CPS1: variants seen among roughly 807,000 people sequenced by gnomAD.
CPS1 encodes the protein carbamoyl-phosphate synthase 1.
Under a neutral mutation model 174.6 loss-of-function variants are expected in CPS1, and 109 were observed. The ratio of observed to expected loss-of-function variants is 0.62; its 90% CI spans 0.53 to 0.73. CPS1 has a LOEUF of 0.73. CPS1 is among the 30% of genes least tolerant of loss of function. CPS1 has a pLI of 0.00. For missense variants in CPS1, 1,689 were observed against 1,821.9 expected (o/e 0.93, Z 1.33); for synonymous variants, 637 against 632.0 (o/e 1.01, Z -0.12).
intron 1 of CPS1, among the ~76,000 whole-genome samples, chr2:210,518,609 C>G (rs748979682): frequency 6.6e-6 from 1 of 151,954 alleles, no homozygotes; most frequent in African/African-American, 2.4e-5. Flanking sequence ...AAGGAAGTCA[C>G]GTAAGAAAAG....
intron 1 of CPS1, among the ~76,000 whole-genome samples, chr2:210,567,641 A>G (rs1404233536): frequency 1.3e-5 from 2 of 152,160 alleles, no homozygotes; most frequent in African/African-American, 4.8e-5. Flanking sequence ...TGATAGAAAC[A>G]ATTCATGAGG....
At chr2:210,568,821 A>G (rs1205731139) in intron 1 of CPS1, among the ~76,000 whole-genome samples, 1 of 152,124 alleles carries the variant, frequency 6.6e-6, no homozygotes, top group East Asian at 1.9e-4. Context: ...ACCAATAATA[A>G]AACAAGTGAA....
At chr2:210,647,566 G>A (rs889461944) in intron 25 of CPS1, among the ~76,000 whole-genome samples, 5 of 152,212 alleles carry the variant, frequency 3.3e-5, no homozygotes, top group African/African-American at 7.2e-5. Flanking sequence ...ATTGATTATA[G>A]CATAGAGTAC....
Position 210,563,008 on chromosome 2 carries a change from T to C in CPS1, c.126+6149T>C, listed in dbSNP as rs1697155548. 1.3e-5 allele frequency among the ~76,000 whole-genome samples: 2 copies of C among 152,106 alleles called. 1 individual carries two copies. The highest frequency in any genetic ancestry group is 4.1e-4 in the South Asian group (2 of 4,832). On this transcript the variant is annotated intron_variant, in intron 1 of 37. Transcript: ENST00000233072. ...TCCTCCCATTTCACAGATATGTAAG[T>C]GCTGAAGTTAAAACAAGGACACATG... is the stretch of plus-strand genomic sequence containing the variant.
At chr2:210,584,229 G>T (rs1031646813) in intron 6 of CPS1, among the ~76,000 whole-genome samples, 1 of 152,056 alleles carries the variant, frequency 6.6e-6, no homozygotes, top group African/African-American at 2.4e-5. Context: ...TACATGTGGA[G>T]AATTTAGCCC....
chr2:210,579,809 GGTGTGTGTGTGT>G, intron 5 of CPS1, 39 bp downstream of exon 5: 1 of 1,338,028 alleles, frequency 7.5e-7, no homozygotes, highest in Non-Finnish European at 1.1e-6. Context: ...TGTTTCTTCG[GGTGTGTGTGTGT>G]GTGTGTGTGT....
At chr2:210,500,150 C>T (rs983701851) in intron 1 of CPS1, among the ~76,000 whole-genome samples, 14 of 152,070 alleles carry the variant, frequency 9.2e-5, no homozygotes, top group Non-Finnish European at 1.5e-4. Flanking sequence ...ATGGGGGAAC[C>T]GCCCCCATGA....
rs1409553597 is a variant in CPS1 at position 210,530,952 on chromosome 2, A to T, written c.4-25767A>T. ...GCTTGGACAACAATTGCCTTAGTTAATATCAGAAAAATGTTCATGAGAAAG... is the reference window on the plus strand; with the variant it reads ...GCTTGGACAACAATTGCCTTAGTTATTATCAGAAAAATGTTCATGAGAAAG... On this transcript the variant is annotated intron_variant, in intron 1 of 38. Transcript: ENST00000430249. Among the ~76,000 whole-genome samples, 9 of 152,046 alleles carry T rather than the reference A, an allele frequency of 5.9e-5. No individual in the cohort carries two copies. The East Asian group carries it at 1.5e-3, about 26-fold the overall frequency.
chr2:210,577,735 G>C (rs955666086), intron 4 of CPS1, among the ~76,000 whole-genome samples: 2 of 152,126 alleles, frequency 1.3e-5, no homozygotes, highest in Non-Finnish European at 2.9e-5. Context: ...ACTCATACAT[G>C]CTTGGTAGCA....
upstream of CPS1, chr2:210,555,714 G>A (rs1331681007): frequency 2.9e-5 from 13 of 454,852 alleles, no homozygotes; most frequent in South Asian, 1.2e-4. Context: ...GAACACTGCT[G>A]CAGTACTTCC....
intron 1 of CPS1, among the ~76,000 whole-genome samples, chr2:210,523,499 C>T (rs1382877765): frequency 1.3e-5 from 2 of 151,928 alleles, no homozygotes; most frequent in African/African-American, 2.4e-5. Flanking sequence ...CCTTCCTACC[C>T]TCCCACCTTT....
intron 33 of CPS1, among the ~76,000 whole-genome samples, chr2:210,664,734 C>G (rs936979115): frequency 5.3e-5 from 8 of 152,068 alleles, no homozygotes; most frequent in African/African-American, 1.9e-4. Context: ...AATTCAGCTC[C>G]CCTTTGTTAT....
At position 210,642,676 on chromosome 2, in the gene CPS1, A is replaced by C; in HGVS notation, c.3141+11A>C. The C allele has an allele frequency of 1.3e-6, 2 of 1,587,062 alleles. No homozygotes were observed. The highest frequency in any genetic ancestry group is 8.6e-7 in the Non-Finnish European group (1 of 1,158,012). On this transcript the variant is annotated intron_variant, in intron 25 of 37. Coordinates refer to ENST00000233072, the MANE Select transcript of CPS1 (RefSeq NM_001875.5). ...ATCTACCATCAGGAGGTAAGAAAAG[A>C]AAAACAGAAAAAAAAGAAAAAAGAA...
At chr2:210,655,380 A>G (rs1700670671) in intron 29 of CPS1, among the ~76,000 whole-genome samples, 1 of 152,152 alleles carries the variant, frequency 6.6e-6, no homozygotes, top group African/African-American at 2.4e-5. Context: ...AGGTTTTCTC[A>G]GATATCAACT....
chr2:210,590,023 T>C, intron 7 of CPS1, 83 bp from the exon 8 acceptor site: 1 of 1,557,362 alleles, frequency 6.4e-7, no homozygotes, highest in Admixed American at 1.7e-5. Flanking sequence ...TAAGGAATGG[T>C]TAGTCAAGAG....
At chr2:210,508,781 A>G (rs1695363351) in intron 1 of CPS1, among the ~76,000 whole-genome samples, 1 of 152,258 alleles carries the variant, frequency 6.6e-6, no homozygotes, top group African/African-American at 2.4e-5. Context: ...AAAATCTAGA[A>G]GAAATGGATA....
At chr2:210,481,860 C>G (rs1574455972) in intron 1 of CPS1, among the ~76,000 whole-genome samples, 1 of 152,350 alleles carries the variant, frequency 6.6e-6, no homozygotes, top group East Asian at 1.9e-4. Flanking sequence ...CCTAGAAGGA[C>G]ACTTCAAGAA....
At chr2:210,586,736 T>G (rs1280366650) in intron 6 of CPS1, among the ~76,000 whole-genome samples, 1 of 152,084 alleles carries the variant, frequency 6.6e-6, no homozygotes, top group African/African-American at 2.4e-5. Context: ...TCAAGGGAGA[T>G]GCTGCAGTGG....
At chr2:210,635,562 T>G (rs1420005317) in intron 21 of CPS1, among the ~76,000 whole-genome samples, 1 of 152,182 alleles carries the variant, frequency 6.6e-6, no homozygotes, top group Non-Finnish European at 1.5e-5. Context: ...AAATTTTTGG[T>G]CTTAAAAGAT....
Sources: allele counts gnomAD v4.1 joint callset (sites outside exome capture counted in the v4.1 genomes callset), GRCh38; gene constraint gnomAD v4.1.1; transcripts MANE v1.5; gene names NCBI Gene and HGNC (gene_info 2026-07-23, HGNC 2026-07-21).